Variants in OR3A2 observed in about 807,000 individuals in gnomAD.
OR3A2 encodes the protein olfactory receptor 3A2.
For missense variants in OR3A2, 318 were observed against 392.8 expected, an observed-to-expected ratio of 0.81 and a Z score of 1.61; for synonymous variants, 126 against 159.3, an observed-to-expected ratio of 0.79 and a Z score of 1.57.
intron 2 of OR3A2, among the ~76,000 whole-genome samples, chr17:3,363,481 G>C (rs1469437672): frequency 2.6e-5 from 4 of 151,636 alleles, no homozygotes; most frequent in Non-Finnish European, 5.9e-5. Context: ...ACCTCAGCCT[G>C]GACTTCACTG....
chr17:3,333,204 A>G (rs548056076), intron 3 of OR3A2, among the ~76,000 whole-genome samples: 8 of 152,194 alleles, frequency 5.3e-5, no homozygotes. Context: ...TGCAGTTGAG[A>G]TAAGGACTGA....
chr17:3,322,687 T>C lies in OR3A2; in HGVS notation c.-85+13346A>G, dbSNP rs533053657. ...TTCCATATGGTTGAGTGGTTTTGAG[T>C]GAGTTTCTTAATTCTGAGTTCTAGT... On this transcript the variant is annotated intron_variant, in intron 3 of 4. Coordinates refer to the OR3A2 transcript ENST00000573491. Among the ~76,000 whole-genome samples the C allele has an allele frequency of 3.9e-5, 6 of 152,252 alleles. No individual in the cohort carries two copies. In the South Asian group the frequency reaches 1.2e-3, roughly 32 times the overall value.
rs543879857 is a variant in OR3A2, at chr17:3,322,559, C to A, written c.-85+13474G>T. On this transcript the variant is annotated intron_variant, in intron 3 of 4. Transcript: ENST00000573491. ...CTGCTTTGAATGTGTCCCAGAGATT[C>A]TGGTATGTTGTGTGTTTGATCCCAT... Among the ~76,000 whole-genome samples the A allele has an allele frequency of 3.3e-5, 5 of 152,264 alleles. No homozygotes were observed. In the East Asian group the frequency reaches 9.7e-4, roughly 29 times the overall value.
At chr17:3,326,440 C>A (rs1465183723) in intron 3 of OR3A2, among the ~76,000 whole-genome samples, 1 of 151,890 alleles carries the variant, frequency 6.6e-6, no homozygotes, top group East Asian at 1.9e-4. Context: ...ATGGAGGGAC[C>A]GGCTGGAGCT....
intron 3 of OR3A2, among the ~76,000 whole-genome samples, chr17:3,293,836 C>T (rs1180340358): frequency 6.6e-6 from 1 of 152,162 alleles, no homozygotes; most frequent in African/African-American, 2.4e-5. Flanking sequence ...AGCCATTATC[C>T]TCAGCAAACT....
chr17:3,329,195 G>A lies in OR3A2; in HGVS notation c.-85+6838C>T, dbSNP rs577895027. ...CTCTTTTTTGGTTGTGACTCTGCCCGGCTTTGGTATCAGAATGATGCTGGC... is the reference window on the plus strand; with the variant it reads ...CTCTTTTTTGGTTGTGACTCTGCCCAGCTTTGGTATCAGAATGATGCTGGC... On this transcript the variant is annotated intron_variant, in intron 3 of 4. Transcript: ENST00000573491. Among the ~76,000 whole-genome samples the A allele has an allele frequency of 1.8e-3, 270 of 151,930 alleles. 1 individual carries two copies. The highest frequency in any genetic ancestry group is 5.8e-3 in the African/African-American group (238 of 41,352).
intron 3 of OR3A2, among the ~76,000 whole-genome samples, chr17:3,293,489 A>T (rs28390110): frequency 6.6e-6 from 1 of 152,302 alleles, no homozygotes; most frequent in African/African-American, 2.4e-5. Context: ...CATGTCTTAG[A>T]CTTGCAAGAT....
In OR3A2 at chr17:3,316,009, T is replaced by A. The variant is rs1380603208; in HGVS notation, c.-85+20024A>T. ...AGCCCTGGTGGACCTTCTTACCTCT[T>A]TCCATCTCCTGTCCCTGAAGATTGA... On this transcript the variant is annotated intron_variant, in intron 3 of 4. Coordinates refer to the OR3A2 transcript ENST00000573491. Among the ~76,000 whole-genome samples, 3 of 152,088 alleles carry A rather than the reference T, an allele frequency of 2.0e-5. No individual in the cohort carries two copies. The East Asian group carries it at 5.8e-4, about 29-fold the overall frequency.
intron 2 of OR3A2, among the ~76,000 whole-genome samples, chr17:3,338,597 T>A (rs2049291071): frequency 6.6e-6 from 1 of 152,204 alleles, no homozygotes; most frequent in Admixed American, 6.5e-5. Flanking sequence ...TGTGGTGTTA[T>A]TTCTGGGCCT....
At chr17:3,312,327 A>C (rs141096069) in intron 3 of OR3A2, among the ~76,000 whole-genome samples, 2 of 152,260 alleles carry the variant, frequency 1.3e-5, no homozygotes, top group Non-Finnish European at 2.9e-5. Context: ...TGTGATTTTT[A>C]AAAGGCTCTA....
At chr17:3,341,255 A>C (rs1283461023) in intron 2 of OR3A2, among the ~76,000 whole-genome samples, 3 of 137,182 alleles carry the variant, frequency 2.2e-5, no homozygotes, top group Non-Finnish European at 4.6e-5. Context: ...TGGGGCATTT[A>C]GCTCATTTAC....
intron 3 of OR3A2, among the ~76,000 whole-genome samples, chr17:3,323,167 T>C (rs1441825208): frequency 6.6e-6 from 1 of 152,162 alleles, no homozygotes; most frequent in Non-Finnish European, 1.5e-5. Flanking sequence ...AAGTCTGTTT[T>C]ATCAGAGACT....
chr17:3,296,928 G>C (rs1297506117), intron 3 of OR3A2, among the ~76,000 whole-genome samples: 1 of 152,208 alleles, frequency 6.6e-6, no homozygotes, highest in African/African-American at 2.4e-5. Context: ...AAGAAGGAAA[G>C]CTTTTCAAAT....
At chr17:3,308,987 C>A (rs1206768785) in intron 3 of OR3A2, among the ~76,000 whole-genome samples, 3 of 152,104 alleles carry the variant, frequency 2.0e-5, no homozygotes, top group Non-Finnish European at 4.4e-5. Context: ...CTCACTGCAA[C>A]CTCCACCTCC....
intron 3 of OR3A2, chr17:3,292,172 G>C (rs1208135791): frequency 6.2e-7 from 1 of 1,614,062 alleles, no homozygotes; most frequent in African/African-American, 1.3e-5. Context: ...GACTCATGCG[G>C]GTGCTGTAGG....
chr17:3,300,867 G>GT (rs1269933360), intron 3 of OR3A2, among the ~76,000 whole-genome samples: 1 of 135,158 alleles, frequency 7.4e-6, no homozygotes, highest in East Asian at 2.3e-4. Context: ...ACAGGCCCTG[G>GT]TGTGTGATGT....
intron 3 of OR3A2, among the ~76,000 whole-genome samples, chr17:3,298,626 G>A (rs1190380718): frequency 6.6e-6 from 1 of 152,174 alleles, no homozygotes; most frequent in Non-Finnish European, 1.5e-5. Context: ...TCTCTAGTAA[G>A]TCCTCCATGA....
intron 2 of OR3A2, among the ~76,000 whole-genome samples, chr17:3,347,702 C>T (rs1268155351): frequency 6.6e-6 from 1 of 152,214 alleles, no homozygotes; most frequent in Admixed American, 6.5e-5. Context: ...CCGCAATAAA[C>T]ATACGTGTGC....
intron 3 of OR3A2, among the ~76,000 whole-genome samples, chr17:3,323,070 T>C (rs1207248939): frequency 1.3e-5 from 2 of 152,192 alleles, no homozygotes; most frequent in African/African-American, 2.4e-5. Flanking sequence ...TGGGTGCATA[T>C]ATATTTAGGA....
Sources: gnomAD v4.1 joint callset for allele counts (sites outside exome capture counted in the v4.1 genomes callset) on GRCh38, gnomAD v4.1.1 for gene constraint, MANE v1.5 for transcripts, NCBI Gene and HGNC (gene_info 2026-07-23, HGNC 2026-07-21) for gene names.